THEMIS: variants seen among roughly 807,000 people sequenced by gnomAD.
THEMIS encodes the protein thymocyte selection associated, also known as protein THEMIS.
In THEMIS, 37 loss-of-function variants were observed where a neutral mutation model predicts 52.6. The ratio of observed to expected loss-of-function variants is 0.70; its 90% CI spans 0.54 to 0.93. The LOEUF is 0.93. THEMIS is among the 40% of genes least tolerant of loss of function. The probability of loss-of-function intolerance (pLI) is 0.00; values close to 1 mark genes in which losing one functional copy is unlikely to be tolerated. For synonymous variants in THEMIS, 292 were observed against 272.7 expected (o/e 1.07, Z -0.70); for missense variants, 808 against 763.1 (o/e 1.06, Z -0.69).
chr6:127,887,323 A>G (rs1355010052), intron 1 of THEMIS, among the ~76,000 whole-genome samples: 1 of 152,122 alleles, frequency 6.6e-6, no homozygotes, highest in African/African-American at 2.4e-5. Flanking sequence ...TAAAACTACA[A>G]TGAGATACCA....
chr6:127,848,975 T>G (rs565356818), intron 2 of THEMIS, among the ~76,000 whole-genome samples: 33 of 152,028 alleles, frequency 2.2e-4, no homozygotes, highest in African/African-American at 5.1e-4. Flanking sequence ...ATTGCTTTTG[T>G]TGTTTTAGAC....
chr6:127,834,228 A>G (rs1255557947), intron 2 of THEMIS, among the ~76,000 whole-genome samples: 1 of 152,098 alleles, frequency 6.6e-6, no homozygotes, highest in East Asian at 1.9e-4. Context: ...ATGTTGAGGG[A>G]AACTAAGTGA....
upstream of THEMIS, among the ~76,000 whole-genome samples, chr6:127,901,244 G>A (rs1232247841): frequency 1.3e-5 from 2 of 152,120 alleles, no homozygotes; most frequent in Admixed American, 6.6e-5. Context: ...GTGCTAAGTA[G>A]CGCATTCTGT....
At chr6:127,703,371 T>C (rs11752163), downstream of THEMIS, among the ~76,000 whole-genome samples, 2 of 152,272 alleles carry the variant, frequency 1.3e-5, no homozygotes, top group South Asian at 2.1e-4. Flanking sequence ...TTTCACATTG[T>C]CAATCAAAGA....
Position 127,888,740 on chromosome 6 carries a change from T to C in THEMIS, c.91+12102A>G, listed in dbSNP as rs568253574. ...TTAAATCAACACCAAAATGGCTACA[T>C]ATACAAAGTCAACAGGGGTAAATGG... On this transcript the variant is annotated intron_variant, in intron 1 of 5. Coordinates refer to ENST00000368248, the MANE Select transcript of THEMIS (RefSeq NM_001010923.3). 4.6e-5 allele frequency among the ~76,000 whole-genome samples: 7 copies of C among 152,208 alleles called. No homozygotes were observed. The South Asian group carries it at 1.2e-3, about 27-fold the overall frequency.
At chr6:127,859,400 G>A (rs1779721423) in intron 1 of THEMIS, among the ~76,000 whole-genome samples, 3 of 152,100 alleles carry the variant, frequency 2.0e-5, no homozygotes, top group South Asian at 2.1e-4. Context: ...CAATTGGAGT[G>A]TTATGTATAT....
At chr6:127,825,603 C>T (rs1055049746) in intron 3 of THEMIS, among the ~76,000 whole-genome samples, 6 of 152,122 alleles carry the variant, frequency 3.9e-5, no homozygotes, top group African/African-American at 1.2e-4. Context: ...TCAGAAATAG[C>T]TAGTCAACAC....
At chr6:127,700,036 AT>A in the THEMIS span, among the ~76,000 whole-genome samples, 1 of 151,986 alleles carries the variant, frequency 6.6e-6, no homozygotes, top group East Asian at 1.9e-4. Flanking sequence ...TCAAGTAAAA[AT>A]ATTTGCGAAT....
intron 5 of THEMIS, among the ~76,000 whole-genome samples, chr6:127,713,910 A>C (rs1285798346): frequency 6.6e-6 from 1 of 151,868 alleles, no homozygotes; most frequent in Non-Finnish European, 1.5e-5. Context: ...AATGGACACT[A>C]TGGGCCATGT....
rs958438891 is a variant in THEMIS at position 127,900,927 on chromosome 6, T to C, written c.6A>G (p.Ala2=). ...AGTGGACGAATTCTTCCAGTGATAA[T>C]GCCATTGCTATGCCTTGGGTAGTTT... M[A]LSLEEFVHSL... is the part of the protein sequence containing the mutation. Residue 2 remains alanine, a synonymous_variant, in exon 1 of 6, where the codon GCA becomes GCG. Coordinates refer to ENST00000368248, the MANE Select transcript of THEMIS (RefSeq NM_001010923.3). 4.3e-6 allele frequency: 7 copies of C among 1,612,848 alleles called. No homozygotes were observed. In the Middle Eastern group the frequency reaches 6.6e-4, roughly 153 times the overall value.
chr6:127,819,374 A>G (rs1337716949), intron 3 of THEMIS, among the ~76,000 whole-genome samples: 2 of 152,156 alleles, frequency 1.3e-5, no homozygotes, highest in Admixed American at 1.3e-4. Flanking sequence ...TACCAGAAGG[A>G]GAATACAGTG....
At chr6:127,915,045 A>G (rs969484921) in intron 1 of THEMIS, among the ~76,000 whole-genome samples, 1 of 152,140 alleles carries the variant, frequency 6.6e-6, no homozygotes, top group Admixed American at 6.6e-5. Context: ...TCTTACACAG[A>G]TTGAGGTCCC....
At chr6:127,816,393 T>C (rs1470478224) in intron 3 of THEMIS, among the ~76,000 whole-genome samples, 1 of 152,152 alleles carries the variant, frequency 6.6e-6, no homozygotes, top group African/African-American at 2.4e-5. Context: ...GCAGTATGTC[T>C]ACTTCAGATC....
chr6:127,724,674 T>C (rs1271422543), intron 4 of THEMIS, among the ~76,000 whole-genome samples: 1 of 152,120 alleles, frequency 6.6e-6, no homozygotes. Context: ...GTCTGCTAAT[T>C]TGAAATGACT....
At chr6:127,810,261 C>T (rs1269239786) in intron 4 of THEMIS, among the ~76,000 whole-genome samples, 1 of 151,996 alleles carries the variant, frequency 6.6e-6, no homozygotes, top group African/African-American at 2.4e-5. Flanking sequence ...ATTTGTATCT[C>T]CATATCTTCA....
intron 3 of THEMIS, among the ~76,000 whole-genome samples, chr6:127,821,504 T>C (rs1778339412): frequency 6.6e-6 from 1 of 152,120 alleles, no homozygotes; most frequent in Non-Finnish European, 1.5e-5. Flanking sequence ...TTGCTGGGTA[T>C]GTTTTCTTGT....
chr6:127,803,154 C>T (rs1777591661), intron 4 of THEMIS, among the ~76,000 whole-genome samples: 1 of 152,110 alleles, frequency 6.6e-6, no homozygotes, highest in Non-Finnish European at 1.5e-5. Context: ...AACTGGTCTC[C>T]CTGCCTCTGT....
intron 2 of THEMIS, among the ~76,000 whole-genome samples, chr6:127,836,734 A>G (rs1778885017): frequency 1.3e-5 from 2 of 152,144 alleles, no homozygotes; most frequent in South Asian, 4.1e-4. Flanking sequence ...CTTCAACAGC[A>G]TGAATTTGAA....
chr6:127,771,359 A>T (rs1335916050), intron 4 of THEMIS, among the ~76,000 whole-genome samples: 1 of 152,154 alleles, frequency 6.6e-6, no homozygotes, highest in Admixed American at 6.5e-5. Context: ...TATAGATTCA[A>T]TGCCATCCCC....
Sources: gnomAD v4.1 joint callset for allele counts (sites outside exome capture counted in the v4.1 genomes callset) on GRCh38, gnomAD v4.1.1 for gene constraint, MANE v1.5 for transcripts, NCBI Gene and HGNC (gene_info 2026-07-23, HGNC 2026-07-21) for gene names.